Variants in SLC9A7 observed in about 807,000 individuals in gnomAD.
SLC9A7 encodes the protein sodium/hydrogen exchanger 7.
SLC9A7 carries 19 observed loss-of-function variants against 52.6 expected under a neutral mutation model. The ratio of observed to expected loss-of-function variants is 0.36; its 90% confidence interval spans 0.25 to 0.53. SLC9A7 has a LOEUF of 0.53. Among genes scored for constraint, SLC9A7 ranks in the 20% least tolerant of loss-of-function variants. The pLI is 0.91. For missense variants in SLC9A7, 455 were observed against 597.9 expected (o/e 0.76, Z 2.49); for synonymous variants, 226 against 252.1 (o/e 0.90, Z 0.98).
chrX:46,652,610 G>A (rs1311829852), intron 8 of SLC9A7, among the ~76,000 whole-genome samples: 2 of 112,184 alleles, frequency 1.8e-5, no homozygotes, highest in Non-Finnish European at 3.8e-5. Context: ...ACAGATAACT[G>A]TTAAATTTTA....
chrX:46,730,657 CA>C (rs750710893), intron 1 of SLC9A7, among the ~76,000 whole-genome samples: 49 of 24,825 alleles, frequency 2.0e-3, no homozygotes, highest in African/African-American at 3.3e-3. Context: ...GAGACTGTCT[CA>C]AAAAAAAAAA....
chrX:46,682,430 A>C lies in SLC9A7; in HGVS notation c.431T>G (p.Val144Gly). The C allele has an allele frequency of 8.3e-7, 1 of 1,211,141 alleles. No homozygotes were observed. Among genetic ancestry groups the C allele is most frequent in the Non-Finnish European group, 1.1e-6 (1 of 895,157 alleles). ...QEDRAFSTLL[V>G]NVSGKFFEYT... ...TTCGAAGAACTTTCCGCTGACATTC[A>C]CTAATAAGGTACTGAAGGCCCTGTC... The change falls in exon 2 of 17, where the codon GTG becomes GGG. Residue 144 changes from valine to glycine, a missense_variant. Around this residue, in one of 3 missense-constraint regions of SLC9A7, gnomAD observed 304 missense variants for 417.8 expected, o/e 0.73. Coordinates refer to ENST00000616978, the MANE Select transcript of SLC9A7 (RefSeq NM_001257291.2).
chrX:46,633,765 G>A (rs1359304747), intron 13 of SLC9A7, among the ~76,000 whole-genome samples: 1 of 108,500 alleles, frequency 9.2e-6, no homozygotes, highest in Non-Finnish European at 1.9e-5. Context: ...TCCATCTCCC[G>A]GGTTCAAGTG....
At chrX:46,626,639 G>A (rs374875617) in intron 14 of SLC9A7, among the ~76,000 whole-genome samples, 220 of 112,544 alleles carry the variant, frequency 2.0e-3, no homozygotes, top group Middle Eastern at 0.018. Flanking sequence ...GATCCTAAGC[G>A]TTGGAGGTGG....
chrX:46,642,266 A>T (rs1323917174), intron 12 of SLC9A7, among the ~76,000 whole-genome samples: 1 of 113,053 alleles, frequency 8.8e-6, no homozygotes, highest in African/African-American at 3.2e-5. Context: ...CAGTCTAGAG[A>T]ATACAAACTA....
Position 46,648,790 on chromosome X carries a change from A to G in SLC9A7, c.1358T>C (p.Ile453Thr), listed in dbSNP as rs1182835331. Reference protein sequence around the residue: ...PIFIIGAFVAIFLGRAAHIYP... With the variant: ...PIFIIGAFVATFLGRAAHIYP... The stretch of plus-strand genomic sequence containing the variant: ...GATGTGCGCGGCTCTGCCCAGGAAG[A>G]TGGCAACCTGACCACAAGGTAGAAG... Residue 453 changes from isoleucine to threonine, a missense_variant, in exon 11 of 17, where the codon ATC (isoleucine) becomes ACC (threonine). This residue lies in a region of SLC9A7 where 304 missense variants were observed against 417.8 expected (regional missense o/e 0.73). Coordinates refer to ENST00000616978, the MANE Select transcript of SLC9A7 (RefSeq NM_001257291.2). The G allele has an allele frequency of 5.0e-6, 6 of 1,202,267 alleles. No homozygotes were observed. In the Admixed American group the frequency reaches 1.3e-4, roughly 26 times the overall value.
At chrX:46,650,910 C>T (rs1452276290) in intron 10 of SLC9A7, among the ~76,000 whole-genome samples, 200 bp downstream of exon 10, 2 of 111,266 alleles carry the variant, frequency 1.8e-5, no homozygotes, top group Non-Finnish European at 3.8e-5. Context: ...CTTAAGCCTT[C>T]TTTTTTTCAT....
intron 4 of SLC9A7, among the ~76,000 whole-genome samples, chrX:46,670,131 A>G (rs1305243449): frequency 8.9e-6 from 1 of 112,080 alleles, no homozygotes; most frequent in Non-Finnish European, 1.9e-5. Flanking sequence ...AGTCAGAGAA[A>G]TCAGTAGACT....
At chrX:46,609,786 G>A (rs997846362) in intron 16 of SLC9A7, among the ~76,000 whole-genome samples, 2 of 111,299 alleles carry the variant, frequency 1.8e-5, no homozygotes, top group Non-Finnish European at 3.8e-5. Flanking sequence ...CCAGTACTTT[G>A]GGAAGCCGAG....
At chrX:46,726,998 A>T (rs1944956002) in intron 1 of SLC9A7, among the ~76,000 whole-genome samples, 2 of 111,522 alleles carry the variant, frequency 1.8e-5, no homozygotes, top group Admixed American at 1.9e-4. Flanking sequence ...AACATCCCCC[A>T]ATTATCTTAA....
chrX:46,733,516 A>G (rs1344381171), intron 1 of SLC9A7, among the ~76,000 whole-genome samples: 1 of 112,140 alleles, frequency 8.9e-6, no homozygotes, highest in Non-Finnish European at 1.9e-5. Context: ...TCTTAAAAAG[A>G]CATAAAACTG....
chrX:46,642,063 A>G (rs1042640960), intron 12 of SLC9A7, among the ~76,000 whole-genome samples: 1 of 112,214 alleles, frequency 8.9e-6, no homozygotes, highest in African/African-American at 3.2e-5. Flanking sequence ...GTGGAAGTGG[A>G]AGTGGCAGTG....
At chrX:46,611,780 C>T (rs1942854354) in intron 16 of SLC9A7, among the ~76,000 whole-genome samples, 1 of 112,141 alleles carries the variant, frequency 8.9e-6, no homozygotes, top group Admixed American at 9.4e-5. Context: ...CAGTTGTCAT[C>T]CCTGTTCTTG....
At chrX:46,707,380 A>G in intron 1 of SLC9A7, among the ~76,000 whole-genome samples, 1 of 112,191 alleles carries the variant, frequency 8.9e-6, no homozygotes, top group Non-Finnish European at 1.9e-5. Context: ...TGACATCCAC[A>G]GTGACAGTAG....
chrX:46,624,387 C>T (rs1943092269), intron 14 of SLC9A7, among the ~76,000 whole-genome samples: 1 of 111,962 alleles, frequency 8.9e-6, no homozygotes, highest in Non-Finnish European at 1.9e-5. Context: ...GTAGGAGGTC[C>T]AGTTGGTACT....
rs1403834147 is a variant in SLC9A7, at chrX:46,748,360, AAAGAAAGGAAGGAAGGAAGGAAGG to A, written c.325+10321_325+10344del. On this transcript the variant is annotated intron_variant, in intron 1 of 16. Transcript: ENST00000616978. ...AAACTCTGTCAAAAAAAAAAAAAAG[AAAGAAAGGAAGGAAGGAAGGAAGG>A]AAGGAAGGAAGGAAGGAAGGAAGGA... 2.9e-3 allele frequency among the ~76,000 whole-genome samples: 141 copies of A among 49,344 alleles called. 1 individual carries two copies. Among genetic ancestry groups the A allele is most frequent in the Admixed American group, 0.011 (31 of 2,940 alleles). 42.8% of individuals were successfully genotyped at this position (49,344 alleles called of 115,157 possible).
At chrX:46,727,168 CTGAA>C (rs1465426440) in intron 1 of SLC9A7, among the ~76,000 whole-genome samples, 3 of 111,786 alleles carry the variant, frequency 2.7e-5, no homozygotes, top group African/African-American at 9.8e-5. Context: ...AATCTATTGC[CTGAA>C]TATGTTTCCT....
At position 46,599,830 on chromosome X, in the gene SLC9A7, C is replaced by CAATTACACTATGTAAGCTCTCTATAAA. The variant is rs1422064032; in HGVS notation, c.*7095_*7121dup. ...TGGAAATAGAAGACAAAATTCTCCC[C>CAATTACACTATGTAAGCTCTCTATAAA]AATTACACTATGTAAGCTCTCTATA... On this transcript the variant is annotated 3_prime_UTR_variant, in exon 17 of 17. Transcript: ENST00000616978. 3 of 112,161 alleles carry CAATTACACTATGTAAGCTCTCTATAAA rather than the reference C, an allele frequency of 2.7e-5. No homozygotes were observed. Among genetic ancestry groups the CAATTACACTATGTAAGCTCTCTATAAA allele is most frequent in the Non-Finnish European group, 5.6e-5 (3 of 53,258 alleles). 9.2% of individuals were successfully genotyped at this position (112,161 alleles called of 1,213,427 possible).
rs1309477029 is a variant in SLC9A7 at position 46,708,256 on chromosome X, G to A, written c.326-25721C>T. On this transcript the variant is annotated intron_variant, in intron 1 of 16. Transcript: ENST00000616978. ...ATTAAAGGTACTCAAGGCCAGGCAT[G>A]GTGACTCACACCTGTAATCCCAGCA... is the stretch of plus-strand genomic sequence containing the variant. 2.7e-5 allele frequency among the ~76,000 whole-genome samples: 3 copies of A among 112,182 alleles called. No homozygotes were observed. In the East Asian group the frequency reaches 8.4e-4, roughly 31 times the overall value.
Sources: allele counts gnomAD v4.1 joint callset (sites outside exome capture counted in the v4.1 genomes callset), GRCh38; gene constraint gnomAD v4.1.1; regional missense constraint gnomAD v4.1.1; transcripts MANE v1.5; gene names NCBI Gene and HGNC (gene_info 2026-07-23, HGNC 2026-07-21).